The following CNGB3 variants were observed in gnomAD, a reference collection of about 807,000 sequenced individuals.
CNGB3 encodes the protein cyclic nucleotide-gated channel beta-3.
CNGB3 carries 86 observed loss-of-function variants against 92.8 expected under a neutral mutation model. That is an observed-to-expected ratio of 0.93 (90% CI 0.78 to 1.11). The LOEUF (loss-of-function observed/expected upper bound fraction) is 1.11, where lower values mean the gene tolerates loss of function less well. CNGB3 is among the 50% of genes least tolerant of loss of function. The pLI, the probability that CNGB3 is intolerant of heterozygous loss-of-function variation, is 0.00. For missense variants in CNGB3, 1,026 were observed against 956.8 expected (o/e 1.07, Z -0.95); for synonymous variants, 333 against 332.7 (o/e 1.00, Z -0.01).
Position 86,611,615 on chromosome 8 carries a change from A to G in CNGB3, c.1635T>C (p.Tyr545=). 6.2e-7 allele frequency: 1 copy of G among 1,613,548 alleles called. No individual in the cohort carries two copies. Among genetic ancestry groups the G allele is most frequent in the South Asian group, 1.1e-5 (1 of 91,068 alleles). The change falls in exon 14 of 18, where the codon TAT becomes TAC. Residue 545 remains tyrosine, a synonymous_variant. Transcript: ENST00000320005. ...TTTTGCAGACAAAGTCACCAGGCAA[A>G]TAGAGAACGGATTTCAATCTTAGCA... The part of the protein sequence containing the change: ...DMLLRLKSVL[Y]LPGDFVCKKG...
intron 17 of CNGB3, among the ~76,000 whole-genome samples, chr8:86,577,659 A>C (rs1001651712): frequency 1.3e-5 from 2 of 152,174 alleles, no homozygotes; most frequent in South Asian, 4.1e-4. Context: ...CAATTGATTA[A>C]TTTGAGGTAT....
At chr8:86,662,768 C>T (rs904525091) in intron 6 of CNGB3, among the ~76,000 whole-genome samples, 5 of 152,174 alleles carry the variant, frequency 3.3e-5, no homozygotes, top group Non-Finnish European at 5.9e-5. Flanking sequence ...TGGAGGATCC[C>T]TGTTTCCCCC....
At chr8:86,725,172 A>G (rs1217767660) in intron 3 of CNGB3, among the ~76,000 whole-genome samples, 1 of 152,186 alleles carries the variant, frequency 6.6e-6, no homozygotes, top group African/African-American at 2.4e-5. Flanking sequence ...AAATAAACAT[A>G]TTAAAATTAA....
chr8:86,658,585 C>A, intron 6 of CNGB3: 1 of 348,020 alleles, frequency 2.9e-6, no homozygotes, highest in Non-Finnish European at 5.5e-6. Flanking sequence ...TAGGTGGCCA[C>A]ATACTGCTGC....
intron 13 of CNGB3, among the ~76,000 whole-genome samples, chr8:86,620,821 A>G (rs1160966248): frequency 6.6e-6 from 1 of 152,160 alleles, no homozygotes; most frequent in Non-Finnish European, 1.5e-5. Flanking sequence ...ATTTGTGTAA[A>G]TTGCTAAGAC....
chr8:86,621,306 ATT>A (rs1176351437), intron 13 of CNGB3, among the ~76,000 whole-genome samples: 15 of 152,174 alleles, frequency 9.9e-5, no homozygotes, highest in Admixed American at 9.8e-4. Context: ...ACTTTCATAC[ATT>A]TCTGACCATA....
intron 3 of CNGB3, among the ~76,000 whole-genome samples, chr8:86,716,337 A>G (rs1390340689): frequency 6.6e-6 from 1 of 152,258 alleles, no homozygotes; most frequent in African/African-American, 2.4e-5. Flanking sequence ...TGGCCTTGCC[A>G]GAGATCCAGA....
At chr8:86,676,791 T>C (rs1019868986) in intron 3 of CNGB3, among the ~76,000 whole-genome samples, 1 of 152,178 alleles carries the variant, frequency 6.6e-6, no homozygotes, top group Non-Finnish European at 1.5e-5. Flanking sequence ...CCGGAGTAGG[T>C]TGGGCCCTCA....
At chr8:86,676,488 C>T (rs534117397) in intron 3 of CNGB3, among the ~76,000 whole-genome samples, 1 of 151,984 alleles carries the variant, frequency 6.6e-6, no homozygotes, top group Non-Finnish European at 1.5e-5. Context: ...TGATGGGGAA[C>T]CATGGCAGAA....
In CNGB3 at chr8:86,629,022, C is replaced by A. The variant is rs1318168208; in HGVS notation, c.1377G>T (p.Met459Ile). ...TANQNYFRAC[M>I]DDTIAYMNNY... ...TGTTCATGTAGGCAATGGTGTCATC[C>A]ATGCAGGCGCGGAAGTAGTTCTGAT... The change falls in exon 12 of 18, where the codon ATG (methionine) becomes ATT (isoleucine). Residue 459 changes from methionine (M) to isoleucine (I), a missense_variant. Coordinates refer to ENST00000320005, the MANE Select transcript of CNGB3 (RefSeq NM_019098.5). 7 of 1,613,936 alleles carry A rather than the reference C, an allele frequency of 4.3e-6. No individual in the cohort carries two copies. The highest frequency in any genetic ancestry group is 4.2e-6 in the Non-Finnish European group (5 of 1,179,974).
At chr8:86,659,560 T>A in intron 6 of CNGB3, 1 of 571,446 alleles carries the variant, frequency 1.7e-6, no homozygotes, top group South Asian at 1.7e-5. Context: ...TTTGTTGTAT[T>A]TGTGTCTTCT....
At chr8:86,658,489 G>A in intron 6 of CNGB3, 1 of 406,134 alleles carries the variant, frequency 2.5e-6, no homozygotes, top group Admixed American at 3.0e-5. Context: ...ACTTTGCCCT[G>A]AGCTTCCTCC....
intron 15 of CNGB3, among the ~76,000 whole-genome samples, chr8:86,590,186 T>G (rs902516211): frequency 2.6e-4 from 39 of 151,732 alleles, no homozygotes; most frequent in African/African-American, 7.5e-4. Context: ...GTTTTCCATT[T>G]GCTTGGTAGA....
intron 6 of CNGB3, chr8:86,659,870 T>A: frequency 4.7e-6 from 2 of 428,024 alleles, no homozygotes; most frequent in South Asian, 1.9e-5. Context: ...GGTTAGCAGA[T>A]GATGCAGGGC....
chr8:86,711,345 CTT>C (rs1192150701), intron 3 of CNGB3, among the ~76,000 whole-genome samples: 1 of 152,168 alleles, frequency 6.6e-6, no homozygotes, highest in Non-Finnish European at 1.5e-5. Context: ...TTTTCAAAAA[CTT>C]TCAATCAACC....
intron 2 of CNGB3, among the ~76,000 whole-genome samples, chr8:86,729,653 CA>C (rs1308946367): frequency 6.6e-6 from 1 of 152,148 alleles, no homozygotes; most frequent in Non-Finnish European, 1.5e-5. Context: ...CATGAGGACT[CA>C]AAACAAAAGA....
intron 4 of CNGB3, among the ~76,000 whole-genome samples, chr8:86,670,154 T>C (rs553266503): frequency 1.7e-4 from 26 of 152,312 alleles, no homozygotes; most frequent in African/African-American, 5.3e-4. Context: ...GGCCAATTAA[T>C]TTTTCATACA....
At chr8:86,616,632 T>C (rs975661783) in intron 13 of CNGB3, among the ~76,000 whole-genome samples, 2 of 152,206 alleles carry the variant, frequency 1.3e-5, no homozygotes, top group Non-Finnish European at 2.9e-5. Flanking sequence ...TGTCTCTTTT[T>C]TCTATAAAGT....
intron 3 of CNGB3, among the ~76,000 whole-genome samples, chr8:86,689,602 T>A (rs1459388623): frequency 6.6e-6 from 1 of 152,022 alleles, no homozygotes. Flanking sequence ...AGGGTACATG[T>A]GCACAACGTG....
Sources: gnomAD v4.1 joint callset for allele counts (sites outside exome capture counted in the v4.1 genomes callset) on GRCh38, gnomAD v4.1.1 for gene constraint, MANE v1.5 for transcripts, NCBI Gene and HGNC (gene_info 2026-07-23, HGNC 2026-07-21) for gene names.